The following MAPK8 variants were observed in gnomAD, a reference collection of about 807,000 sequenced individuals.
The protein encoded by MAPK8 is JUN N-terminal kinase.
A neutral mutation model predicts 52.9 loss-of-function variants in MAPK8; 13 were observed. That is an observed-to-expected ratio of 0.25 (90% CI 0.16 to 0.39). MAPK8 has a LOEUF of 0.39. Among genes scored for constraint, MAPK8 ranks in the 10% least tolerant of loss-of-function variants. The pLI, the probability that MAPK8 is intolerant of heterozygous loss-of-function variation, is 1.00. For missense variants in MAPK8, 300 were observed against 519.2 expected, an observed-to-expected ratio of 0.58 and a Z score of 4.10; for synonymous variants, 191 against 169.8, an observed-to-expected ratio of 1.12 and a Z score of -0.97.
Position 48,350,930 on chromosome 10 carries a change from A to G in MAPK8, c.-50+44109A>G, listed in dbSNP as rs149824314. 7.9e-3 allele frequency among the ~76,000 whole-genome samples: 1,209 copies of G among 152,330 alleles called. 13 individuals are homozygous for G. Among genetic ancestry groups the G allele is most frequent in the African/African-American group, 0.028 (1,159 of 41,570 alleles). On this transcript the variant is annotated intron_variant, in intron 1 of 11. Transcript: ENST00000374189. ...CAACATCAGCAAAGTCTTAGCATAC[A>G]AAATCAATGTGCAAAAATCACAAGC...
intron 5 of MAPK8, among the ~76,000 whole-genome samples, chr10:48,415,734 T>G (rs1306941140): frequency 6.6e-6 from 1 of 152,094 alleles, no homozygotes; most frequent in Admixed American, 6.6e-5. Flanking sequence ...GTTTTCAAGG[T>G]GAAAGATACT....
intron 1 of MAPK8, among the ~76,000 whole-genome samples, chr10:48,310,990 G>C (rs540334326): frequency 9.5e-6 from 1 of 104,956 alleles, no homozygotes; most frequent in African/African-American, 4.1e-5. Flanking sequence ...TCAGCCCTGA[G>C]TTCTAATCGT....
chr10:48,422,385 CAGAGCAT>C (rs976765459), intron 6 of MAPK8, among the ~76,000 whole-genome samples: 4 of 152,132 alleles, frequency 2.6e-5, no homozygotes, highest in Non-Finnish European at 5.9e-5. Context: ...GCAGGCTACT[CAGAGCAT>C]TTTGGAAAGC....
intron 2 of MAPK8, among the ~76,000 whole-genome samples, chr10:48,402,709 T>G (rs2042222177): frequency 6.6e-6 from 1 of 152,222 alleles, no homozygotes; most frequent in African/African-American, 2.4e-5. Context: ...TGTAAACTGT[T>G]AAGTATTTAT....
chr10:48,340,474 C>T (rs1282659341), intron 1 of MAPK8, among the ~76,000 whole-genome samples: 1 of 152,164 alleles, frequency 6.6e-6, no homozygotes, highest in Admixed American at 6.5e-5. Flanking sequence ...AACAGAAGCT[C>T]AGACCCCAGA....
intron 5 of MAPK8, among the ~76,000 whole-genome samples, chr10:48,416,410 G>T (rs1316011001): frequency 6.6e-6 from 1 of 152,206 alleles, no homozygotes; most frequent in African/African-American, 2.4e-5. Flanking sequence ...GCAGACTTCA[G>T]CATAGTGGTG....
intron 9 of MAPK8, 171 bp from the exon 10 acceptor site, chr10:48,426,909 T>C (rs886577317): frequency 1.8e-6 from 1 of 542,076 alleles, no homozygotes; most frequent in African/African-American, 1.9e-5. Context: ...TTTCCTGCAA[T>C]GAAGGAGTCT....
At chr10:48,371,706 C>T (rs1410788888) in intron 1 of MAPK8, among the ~76,000 whole-genome samples, 4 of 152,034 alleles carry the variant, frequency 2.6e-5, no homozygotes, top group African/African-American at 9.7e-5. Context: ...GCATCAGATC[C>T]CACAGGATGA....
intron 1 of MAPK8, among the ~76,000 whole-genome samples, chr10:48,336,033 A>C (rs916113988): frequency 6.6e-6 from 1 of 152,204 alleles, no homozygotes; most frequent in Admixed American, 6.5e-5. Flanking sequence ...CACCATTGTC[A>C]TAGTGTGGTT....
intron 1 of MAPK8, among the ~76,000 whole-genome samples, chr10:48,314,122 T>G (rs1173125719): frequency 6.6e-6 from 1 of 152,130 alleles, no homozygotes; most frequent in East Asian, 1.9e-4. Context: ...CAACAGAAAT[T>G]TATTTCTCAC....
intron 1 of MAPK8, among the ~76,000 whole-genome samples, chr10:48,335,735 C>A (rs533238718): frequency 6.6e-6 from 1 of 152,298 alleles, no homozygotes; most frequent in South Asian, 2.1e-4. Flanking sequence ...CCCTGTACTT[C>A]AGTATATAGC....
intron 5 of MAPK8, among the ~76,000 whole-genome samples, chr10:48,416,248 G>A (rs764614450): frequency 6.6e-6 from 1 of 152,090 alleles, no homozygotes; most frequent in Admixed American, 6.6e-5. Context: ...AGATAGTTGC[G>A]GGTCACTTTG....
chr10:48,403,758 T>G (rs1057036961), intron 2 of MAPK8, among the ~76,000 whole-genome samples: 16 of 150,414 alleles, frequency 1.1e-4, no homozygotes, highest in Non-Finnish European at 1.9e-4. Flanking sequence ...TGTTTTTTTG[T>G]TTTTTTTTGA....
chr10:48,338,814 T>G, intron 1 of MAPK8, among the ~76,000 whole-genome samples: 1 of 151,318 alleles, frequency 6.6e-6, no homozygotes, highest in East Asian at 1.9e-4. Flanking sequence ...AAGAACTAAT[T>G]TACAATAGAC....
intron 7 of MAPK8, chr10:48,424,501 A>G (rs748241132): frequency 6.5e-7 from 1 of 1,542,946 alleles, no homozygotes. Flanking sequence ...ATGTCATTGC[A>G]TTTTGTTTTC....
chr10:48,310,191 G>T (rs149309720), intron 1 of MAPK8, among the ~76,000 whole-genome samples: 53 of 152,264 alleles, frequency 3.5e-4, no homozygotes, highest in South Asian at 6.2e-4. Flanking sequence ...GGAGCTTTAG[G>T]CAAGTGCCTT....
chr10:48,345,842 G>C (rs1401383144), intron 1 of MAPK8, among the ~76,000 whole-genome samples: 1 of 152,218 alleles, frequency 6.6e-6, no homozygotes, highest in Admixed American at 6.5e-5. Flanking sequence ...GGAAAAAAAT[G>C]ATGCTCTTTA....
At chr10:48,312,504 C>T (rs898403833) in intron 1 of MAPK8, among the ~76,000 whole-genome samples, 3 of 152,088 alleles carry the variant, frequency 2.0e-5, no homozygotes, top group East Asian at 1.9e-4. Context: ...AAACTAGAAA[C>T]GAAAAATAGC....
intron 1 of MAPK8, among the ~76,000 whole-genome samples, chr10:48,394,876 G>T (rs183178698): frequency 4.9e-4 from 74 of 151,878 alleles, no homozygotes; most frequent in Non-Finnish European, 3.7e-4. Flanking sequence ...GAAATTCATT[G>T]CATTTCTACA....
Sources: gnomAD v4.1 joint callset for allele counts (sites outside exome capture counted in the v4.1 genomes callset) on GRCh38, gnomAD v4.1.1 for gene constraint, MANE v1.5 for transcripts, NCBI Gene and HGNC (gene_info 2026-07-23, HGNC 2026-07-21) for gene names.